SLC6A5: variants seen among roughly 807,000 people sequenced by gnomAD.
The protein encoded by SLC6A5 is sodium- and chloride-dependent glycine transporter 2.
SLC6A5 carries 58 observed loss-of-function variants against 90.5 expected under a neutral mutation model. The ratio of observed to expected loss-of-function variants is 0.64; its 90% confidence interval spans 0.52 to 0.80. SLC6A5 has a LOEUF of 0.80. Among genes scored for constraint, SLC6A5 ranks in the 30% least tolerant of loss-of-function variants. The pLI is 0.00. For synonymous variants in SLC6A5, 427 were observed against 401.4 expected (o/e 1.06, Z -0.76); for missense variants, 1,015 against 1,017.6 (o/e 1.00, Z 0.03).
At position 20,637,707 on chromosome 11, in the gene SLC6A5, C is replaced by T. The variant is rs549051358; in HGVS notation, c.1869+404C>T. On this transcript the variant is annotated intron_variant, in intron 12 of 15. Transcript: ENST00000525748. ...CACTATACTCCTGCCTGGGCAACATCGTGGGACCCTGCCTCTAAAAAGTAA... is the reference window on the plus strand; with the variant it reads ...CACTATACTCCTGCCTGGGCAACATTGTGGGACCCTGCCTCTAAAAAGTAA... Among the ~76,000 whole-genome samples, 330 of 152,246 alleles carry T rather than the reference C, an allele frequency of 2.2e-3. 1 individual carries two copies. The highest frequency in any genetic ancestry group is 7.6e-3 in the African/African-American group (316 of 41,544).
In SLC6A5 at chr11:20,657,579, A is replaced by C. The variant is rs1000552848; in HGVS notation, c.*2711A>C. On this transcript the variant is annotated 3_prime_UTR_variant, in exon 16 of 16. Transcript: ENST00000525748. ...GGAAGAAAAAAAATGAAAAAAATAA[A>C]ATGAATAACATTGTTAGAAACTGGC... The C allele has an allele frequency of 1.3e-5, 2 of 152,220 alleles. No individual in the cohort carries two copies. Among genetic ancestry groups the C allele is most frequent in the African/African-American group, 4.8e-5 (2 of 41,454 alleles). 9.4% of individuals were successfully genotyped at this position (152,220 alleles called of 1,614,324 possible). A position where few individuals can be genotyped will look rare whatever the true frequency, so the allele number is the denominator to read the frequency against.
chr11:20,625,427 A>G (rs1852974788), intron 7 of SLC6A5, among the ~76,000 whole-genome samples: 1 of 152,016 alleles, frequency 6.6e-6, no homozygotes, highest in African/African-American at 2.4e-5. Context: ...ACACCCGGCT[A>G]ATTTTTGTAT....
chr11:20,652,264 A>G, intron 14 of SLC6A5, 25 bp from the exon 15 acceptor site: 1 of 1,612,906 alleles, frequency 6.2e-7, no homozygotes, highest in Admixed American at 1.7e-5. Flanking sequence ...CCACCCTAAC[A>G]CGTGTGTCAC....
chr11:20,642,882 G>A (rs186173964), intron 13 of SLC6A5, among the ~76,000 whole-genome samples: 28 of 152,304 alleles, frequency 1.8e-4, no homozygotes, highest in Middle Eastern at 3.4e-3. Flanking sequence ...TCTTTCCGGG[G>A]TCCAAACTGG....
chr11:20,619,999 T>C (rs1166655175), intron 7 of SLC6A5, among the ~76,000 whole-genome samples: 1 of 152,226 alleles, frequency 6.6e-6, no homozygotes, highest in Non-Finnish European at 1.5e-5. Context: ...CCTCACCTTC[T>C]GTGGCTTGGA....
intron 7 of SLC6A5, 113 bp downstream of exon 7, chr11:20,617,997 C>T: frequency 9.0e-7 from 1 of 1,116,566 alleles, no homozygotes; most frequent in Non-Finnish European, 1.3e-6. Context: ...CTAATTCTGA[C>T]TCTGCCCTGG....
In SLC6A5 at chr11:20,626,752, C is replaced by T; in HGVS notation, c.1305C>T (p.Ile435=). The change falls in exon 8 of 16, where the codon ATC becomes ATT. Residue 435 remains isoleucine, a synonymous_variant. Transcript: ENST00000525748. ...CGTTCCCGTATGTCGTACTCGTGAT[C>T]CTCCTCATCCGAGGAGTCACCCTGC... ...TATFPYVVLV[I]LLIRGVTLPG... is the part of the protein sequence containing the mutation. 1 of 1,613,920 alleles carries T rather than the reference C, an allele frequency of 6.2e-7. No homozygotes were observed. The highest frequency in any genetic ancestry group is 8.5e-7 in the Non-Finnish European group (1 of 1,179,786).
rs191761816 is a variant in SLC6A5 at position 20,641,297 on chromosome 11, A to G, written c.1969+2739A>G. Reference sequence around the variant, plus strand: ...TTCATTGTGTATTTCCCCAACCTCAACATGGAGTGGTCTTGATCTGTTTTC... The same window carrying G: ...TTCATTGTGTATTTCCCCAACCTCAGCATGGAGTGGTCTTGATCTGTTTTC... On this transcript the variant is annotated intron_variant, in intron 13 of 15. Coordinates refer to ENST00000525748, the MANE Select transcript of SLC6A5 (RefSeq NM_004211.5). Among the ~76,000 whole-genome samples, 346 of 152,144 alleles carry G rather than the reference A, an allele frequency of 2.3e-3. 1 individual carries two copies. The highest frequency in any genetic ancestry group is 7.9e-3 in the African/African-American group (327 of 41,502).
At chr11:20,602,873 C>T (rs1852506392) in intron 2 of SLC6A5, among the ~76,000 whole-genome samples, 2 of 152,202 alleles carry the variant, frequency 1.3e-5, no homozygotes, top group African/African-American at 4.8e-5. Context: ...CACAGTGTGA[C>T]CCCAGGTGGA....
At position 20,613,146 on chromosome 11, in the gene SLC6A5, G is replaced by GTA. The variant is rs1359001035; in HGVS notation, c.986-1531_986-1530dup. Among the ~76,000 whole-genome samples, 6 of 152,294 alleles carry GTA rather than the reference G, an allele frequency of 3.9e-5. No homozygotes were observed. The South Asian group carries it at 6.2e-4, about 16-fold the overall frequency. On this transcript the variant is annotated intron_variant, in intron 5 of 15. Transcript: ENST00000525748. The stretch of plus-strand genomic sequence containing the variant: ...GAGCTTGTTTACATCCTGTCTTGAT[G>GTA]TATGACCTTGGCTAGCCACTGCATC...
chr11:20,620,068 C>G (rs1206820712), intron 7 of SLC6A5, among the ~76,000 whole-genome samples: 1 of 152,130 alleles, frequency 6.6e-6, no homozygotes, highest in African/African-American at 2.4e-5. Flanking sequence ...AATTGCTCAA[C>G]AAGACTAGCC....
At chr11:20,631,876 T>C (rs1170242378) in intron 10 of SLC6A5, among the ~76,000 whole-genome samples, 1 of 152,174 alleles carries the variant, frequency 6.6e-6, no homozygotes, top group Admixed American at 6.5e-5. Flanking sequence ...GATACTAAGA[T>C]TTCTTCTGGC....
Position 20,638,496 on chromosome 11 carries a change from C to T in SLC6A5, c.1907C>T (p.Ala636Val), listed in dbSNP as rs748558965. 3 of 1,613,362 alleles carry T rather than the reference C, an allele frequency of 1.9e-6. No individual in the cohort carries two copies. The highest frequency in any genetic ancestry group is 2.5e-6 in the Non-Finnish European group (3 of 1,179,320). Residue 636 changes from alanine to valine, a missense_variant, in exon 13 of 16, where the codon GCT (alanine) becomes GTT (valine). By Grantham distance (64) the Ala-to-Val change is moderately conservative. Transcript: ENST00000525748. Reference sequence around the variant, plus strand: ...ATGTTTCAGCTTGTGGACACCTATGCTGCCTCCTATGCCCTTGTCATCATT... The same window carrying T: ...ATGTTTCAGCTTGTGGACACCTATGTTGCCTCCTATGCCCTTGTCATCATT... ...IYMFQLVDTY[A>V]ASYALVIIAI... is the part of the protein sequence containing the mutation.
chr11:20,638,557 TG>T lies in SLC6A5; in HGVS notation c.1969+1del. On this transcript the variant is annotated frameshift_variant and splice_region_variant, in exon 13 of 16. Coordinates refer to ENST00000525748, the MANE Select transcript of SLC6A5 (RefSeq NM_004211.5). LOFTEE classifies it high-confidence loss of function. ...AGCTCGTGGGGATCTCTTATGTGTA[TG>T]GTAAGGAAATCACTGTGCCTGTTGC... The part of the protein sequence containing the change: ...FELVGISYVY[G>X]LQRFCEDIEM... 1 of 1,582,062 alleles carries T rather than the reference TG, an allele frequency of 6.3e-7. No homozygotes were observed. The highest frequency in any genetic ancestry group is 8.7e-7 in the Non-Finnish European group (1 of 1,150,954).
In SLC6A5 at chr11:20,656,768, C is replaced by T. The variant is rs756651054; in HGVS notation, c.*1900C>T. 1 of 152,190 alleles carries T rather than the reference C, an allele frequency of 6.6e-6. No individual in the cohort carries two copies. The highest frequency in any genetic ancestry group is 1.5e-5 in the Non-Finnish European group (1 of 68,058). The allele number at this position is 152,190 out of a possible 1,614,324, so 9.4% of individuals were successfully genotyped here. On this transcript the variant is annotated 3_prime_UTR_variant, in exon 16 of 16. Coordinates refer to ENST00000525748, the MANE Select transcript of SLC6A5 (RefSeq NM_004211.5). Reference sequence around the variant, plus strand: ...CCCCCCTTGTCTCCCAAAGCTCAAACTTGCTTGAGTCTATCATAGAGACTA... The same window carrying T: ...CCCCCCTTGTCTCCCAAAGCTCAAATTTGCTTGAGTCTATCATAGAGACTA...
At chr11:20,628,187 G>GGAGAA in intron 9 of SLC6A5, 104 bp downstream of exon 9, 1 of 996,058 alleles carries the variant, frequency 1.0e-6, no homozygotes, top group Non-Finnish European at 1.6e-6. Context: ...TTCATCTTAG[G>GGAGAA]GAGAGCTAAA....
intron 5 of SLC6A5, among the ~76,000 whole-genome samples, chr11:20,611,588 C>T (rs1173839643): frequency 6.6e-6 from 1 of 152,218 alleles, no homozygotes; most frequent in Non-Finnish European, 1.5e-5. Flanking sequence ...TAGCTCCAAA[C>T]TCTTTGGGGA....
At chr11:20,608,958 C>CTGTG (rs71063652) in intron 5 of SLC6A5, among the ~76,000 whole-genome samples, 49 of 110,932 alleles carry the variant, frequency 4.4e-4, no homozygotes, top group Non-Finnish European at 7.1e-4. Context: ...CTCTCTCTCT[C>CTGTG]TGTGTGTGTG....
At chr11:20,633,790 T>C (rs2065598945) in intron 10 of SLC6A5, among the ~76,000 whole-genome samples, 1 of 152,168 alleles carries the variant, frequency 6.6e-6, no homozygotes, top group African/African-American at 2.4e-5. Flanking sequence ...CTATTTCCAT[T>C]GTGTGGATAA....
Sources: gnomAD v4.1 joint callset for allele counts (sites outside exome capture counted in the v4.1 genomes callset) on GRCh38, gnomAD v4.1.1 for gene constraint, MANE v1.5 for transcripts, NCBI Gene and HGNC (gene_info 2026-07-23, HGNC 2026-07-21) for gene names.